Variants in ZFHX3 observed in about 807,000 individuals in gnomAD.
ZFHX3 encodes zinc finger homeobox 3, also known as zinc finger homeobox protein 3.
A neutral mutation model predicts 279.1 loss-of-function variants in ZFHX3; 42 were observed. That is an observed-to-expected ratio of 0.15 (90% confidence interval 0.12 to 0.19). The LOEUF is 0.19. Among genes scored for constraint, ZFHX3 ranks in the 10% least tolerant of loss-of-function variants. The pLI, the probability that ZFHX3 is intolerant of heterozygous loss-of-function variation, is 1.00. For synonymous variants in ZFHX3, 2,293 were observed against 1,957.8 expected (o/e 1.17, Z -4.52); for missense variants, 4,981 against 4,754.0 (o/e 1.05, Z -1.40).
intron 4 of ZFHX3, among the ~76,000 whole-genome samples, chr16:73,315,678 A>G (rs547379298): frequency 6.6e-6 from 1 of 152,340 alleles, no homozygotes; most frequent in East Asian, 1.9e-4. Context: ...GGTAAAGAAG[A>G]AAGGAAAAAG....
intron 3 of ZFHX3, chr16:73,401,375 C>CAAA (rs2017250458): frequency 7.2e-6 from 1 of 139,210 alleles, no homozygotes; most frequent in Non-Finnish European, 1.5e-5. Flanking sequence ...AAACAAAACA[C>CAAA]ACACACACAC....
intron 4 of ZFHX3, among the ~76,000 whole-genome samples, chr16:72,842,815 AG>A (rs1158059281): frequency 7.2e-5 from 11 of 152,238 alleles, no homozygotes; most frequent in Non-Finnish European, 1.2e-4. Flanking sequence ...AAGGTTAAAA[AG>A]AATAGGAAAT....
chr16:73,814,984 C>G (rs1286958249), intron 1 of ZFHX3, among the ~76,000 whole-genome samples: 3 of 152,100 alleles, frequency 2.0e-5, no homozygotes, highest in African/African-American at 7.2e-5. Flanking sequence ...TTTTTTTAAT[C>G]ACCATACTTA....
chr16:73,068,892 T>C (rs1965789757), intron 8 of ZFHX3, among the ~76,000 whole-genome samples: 1 of 152,244 alleles, frequency 6.6e-6, no homozygotes, highest in African/African-American at 2.4e-5. Flanking sequence ...AGATGATGCC[T>C]GCTTTGCCAA....
At chr16:73,390,930 A>G (rs1041474836) in intron 3 of ZFHX3, among the ~76,000 whole-genome samples, 3 of 152,046 alleles carry the variant, frequency 2.0e-5, no homozygotes, top group Admixed American at 6.5e-5. Flanking sequence ...TAACGCCATC[A>G]TTATTTCTGA....
chr16:73,277,072 G>C (rs1335733888), intron 4 of ZFHX3, among the ~76,000 whole-genome samples: 1 of 152,098 alleles, frequency 6.6e-6, no homozygotes, highest in Non-Finnish European at 1.5e-5. Flanking sequence ...TTCATTAAAC[G>C]TACTGGCAAG....
intron 3 of ZFHX3, among the ~76,000 whole-genome samples, chr16:73,341,296 G>A (rs751841422): frequency 2.0e-5 from 3 of 152,072 alleles, no homozygotes; most frequent in East Asian, 1.9e-4. Flanking sequence ...AGCTGAGGTC[G>A]CAACACTGTA....
At chr16:73,739,521 T>G (rs1442762582) in intron 1 of ZFHX3, among the ~76,000 whole-genome samples, 1 of 152,164 alleles carries the variant, frequency 6.6e-6, no homozygotes, top group African/African-American at 2.4e-5. Context: ...AATTGAGAAC[T>G]GATGCTGTAG....
intron 1 of ZFHX3, among the ~76,000 whole-genome samples, chr16:73,042,384 A>G (rs1211018537): frequency 6.6e-6 from 1 of 152,158 alleles, no homozygotes; most frequent in Non-Finnish European, 1.5e-5. Context: ...CATCTATCCA[A>G]AAGCCAGCCT....
intron 2 of ZFHX3, among the ~76,000 whole-genome samples, chr16:73,663,348 A>G (rs1015865063): frequency 2.6e-5 from 4 of 152,218 alleles, no homozygotes; most frequent in African/African-American, 7.2e-5. Flanking sequence ...GTCACGATCT[A>G]AAGACAAATG....
At chr16:73,601,453 G>C (rs932051115) in intron 2 of ZFHX3, among the ~76,000 whole-genome samples, 11 of 143,468 alleles carry the variant, frequency 7.7e-5, no homozygotes, top group African/African-American at 2.8e-4. Context: ...CTGGGCGACA[G>C]ACTGAGACTC....
intron 1 of ZFHX3, among the ~76,000 whole-genome samples, chr16:73,864,806 CAAT>C (rs979384575): frequency 7.6e-6 from 1 of 130,992 alleles, no homozygotes; most frequent in Non-Finnish European, 1.7e-5. Flanking sequence ...TCCCAATACC[CAAT>C]AAAGTAATAT....
intron 1 of ZFHX3, among the ~76,000 whole-genome samples, chr16:73,851,850 C>T (rs1373331554): frequency 6.6e-6 from 1 of 152,138 alleles, no homozygotes; most frequent in Non-Finnish European, 1.5e-5. Flanking sequence ...CCACCATCTT[C>T]CATAATGGTC....
chr16:73,063,478 C>A (rs1965711751), upstream of ZFHX3, among the ~76,000 whole-genome samples: 2 of 152,136 alleles, frequency 1.3e-5, no homozygotes, highest in South Asian at 4.2e-4. Flanking sequence ...TTCTTCTGAG[C>A]GTCCGGAATC....
chr16:73,636,326 C>A (rs772713540), intron 2 of ZFHX3, among the ~76,000 whole-genome samples: 6 of 151,968 alleles, frequency 3.9e-5, no homozygotes, highest in Non-Finnish European at 8.8e-5. Flanking sequence ...AATGATGAAA[C>A]CCTGGCAACA....
chr16:72,866,218 C>G (rs1382928921), intron 4 of ZFHX3, among the ~76,000 whole-genome samples: 2 of 152,108 alleles, frequency 1.3e-5, no homozygotes, highest in African/African-American at 4.8e-5. Flanking sequence ...AGAGCAGTAG[C>G]CAGAGAGGGA....
intron 3 of ZFHX3, among the ~76,000 whole-genome samples, chr16:72,910,096 T>C (rs1226646044): frequency 6.6e-6 from 1 of 152,190 alleles, no homozygotes; most frequent in Non-Finnish European, 1.5e-5. Context: ...TCTCAGGTTC[T>C]GCATCTCACT....
chr16:73,299,909 G>A (rs200618558), intron 4 of ZFHX3, among the ~76,000 whole-genome samples: 4 of 152,054 alleles, frequency 2.6e-5, no homozygotes, highest in African/African-American at 9.7e-5. Flanking sequence ...TTTCTTCTGT[G>A]GCAGAAAGAA....
At chr16:72,818,895 T>C (rs1178071255) in intron 5 of ZFHX3, among the ~76,000 whole-genome samples, 1 of 152,174 alleles carries the variant, frequency 6.6e-6, no homozygotes, top group Non-Finnish European at 1.5e-5. Context: ...CACAGGCCTT[T>C]TGTTTCTAAA....
Sources: allele counts gnomAD v4.1 joint callset (sites outside exome capture counted in the v4.1 genomes callset), GRCh38; gene constraint gnomAD v4.1.1; transcripts MANE v1.5; gene names NCBI Gene and HGNC (gene_info 2026-07-23, HGNC 2026-07-21).